Variants in COL22A1 observed in about 807,000 individuals in gnomAD.
COL22A1 encodes collagen alpha-1(XXII) chain.
Under a neutral mutation model 248.9 loss-of-function variants are expected in COL22A1, and 221 were observed. The ratio of observed to expected loss-of-function variants is 0.89; its 90% CI spans 0.80 to 0.99. The LOEUF is 0.99. Among genes scored for constraint, COL22A1 ranks in the 50% least tolerant of loss-of-function variants. The pLI is 0.00. For synonymous variants in COL22A1, 891 were observed against 793.4 expected, an observed-to-expected ratio of 1.12 and a Z score of -2.07; for missense variants, 2,240 against 2,179.0, an observed-to-expected ratio of 1.03 and a Z score of -0.56.
chr8:138,716,164 G>A, intron 29 of COL22A1, 63 bp downstream of exon 29: 1 of 1,296,092 alleles, frequency 7.7e-7, no homozygotes, highest in South Asian at 1.3e-5. Flanking sequence ...ACTCCACAGG[G>A]GGCTGCTCTC....
chr8:138,631,032 C>A (rs1431111332), intron 49 of COL22A1, among the ~76,000 whole-genome samples: 2 of 152,168 alleles, frequency 1.3e-5, no homozygotes, highest in Non-Finnish European at 2.9e-5. Flanking sequence ...ACCTCCCCAC[C>A]TTTACTCTCT....
intron 17 of COL22A1, 60 bp from the exon 18 acceptor site, chr8:138,760,347 T>C: frequency 4.0e-6 from 6 of 1,501,000 alleles, no homozygotes; most frequent in Non-Finnish European, 5.4e-6. Flanking sequence ...TGGTGGGGTG[T>C]TGGGGAGAAA....
At chr8:138,858,759 C>A (rs996673895) in intron 3 of COL22A1, among the ~76,000 whole-genome samples, 7 of 152,170 alleles carry the variant, frequency 4.6e-5, no homozygotes, top group Admixed American at 1.3e-4. Flanking sequence ...AAAAACAAAG[C>A]AAAACACCTC....
chr8:138,718,939 A>C (rs1345323845), intron 27 of COL22A1, among the ~76,000 whole-genome samples: 1 of 152,152 alleles, frequency 6.6e-6, no homozygotes, highest in Non-Finnish European at 1.5e-5. Flanking sequence ...AATCCCCTTC[A>C]TCTACAGAAC....
intron 1 of COL22A1, among the ~76,000 whole-genome samples, chr8:138,911,383 A>G (rs1183586792): frequency 2.0e-5 from 3 of 152,214 alleles, no homozygotes; most frequent in African/African-American, 4.8e-5. Context: ...TATTCCCAGG[A>G]AAGCCTGATT....
At chr8:138,766,989 G>C (rs74684432) in intron 16 of COL22A1, among the ~76,000 whole-genome samples, 8,820 of 152,294 alleles carry the variant, frequency 0.058, 388 homozygotes, top group Non-Finnish European at 0.085. Context: ...CTCCGGGGTA[G>C]AGGGGACATG....
At chr8:138,689,448 A>G (rs925408176) in intron 36 of COL22A1, among the ~76,000 whole-genome samples, 1 of 151,944 alleles carries the variant, frequency 6.6e-6, no homozygotes. Flanking sequence ...AGGGGAGAAC[A>G]CTCATGCCTG....
chr8:138,893,697 G>A (rs1825212864), intron 1 of COL22A1, among the ~76,000 whole-genome samples: 1 of 152,228 alleles, frequency 6.6e-6, no homozygotes, highest in African/African-American at 2.4e-5. Flanking sequence ...CTGGGTTGAT[G>A]TTGACTGCAT....
intron 62 of COL22A1, among the ~76,000 whole-genome samples, chr8:138,594,423 G>T (rs1038181777): frequency 2.6e-5 from 4 of 152,142 alleles, no homozygotes; most frequent in Non-Finnish European, 5.9e-5. Flanking sequence ...ATTTGTATGG[G>T]CACCTTCTGA....
At chr8:138,891,412 G>T (rs916242061) in intron 1 of COL22A1, among the ~76,000 whole-genome samples, 1 of 152,198 alleles carries the variant, frequency 6.6e-6, no homozygotes, top group African/African-American at 2.4e-5. Context: ...CTTGGCATCA[G>T]ATCTGAAGGG....
chr8:138,616,870 C>G, intron 54 of COL22A1, 44 bp downstream of exon 54: 1 of 1,611,992 alleles, frequency 6.2e-7, no homozygotes, highest in Non-Finnish European at 8.5e-7. Context: ...GAAGTGTAAG[C>G]TCTGCCCACC....
intron 35 of COL22A1, among the ~76,000 whole-genome samples, chr8:138,691,731 A>C: frequency 2.4e-5 from 1 of 42,052 alleles, no homozygotes; most frequent in South Asian, 6.4e-4. Flanking sequence ...TGTACATGTG[A>C]GTGTGCATGT....
At chr8:138,844,311 C>T (rs1293589669) in intron 3 of COL22A1, among the ~76,000 whole-genome samples, 153 bp from the exon 4 acceptor site, 1 of 152,242 alleles carries the variant, frequency 6.6e-6, no homozygotes, top group Non-Finnish European at 1.5e-5. Flanking sequence ...CATCTCCGCA[C>T]TCACTCATGT....
intron 41 of COL22A1, among the ~76,000 whole-genome samples, chr8:138,674,586 G>A (rs931303908): frequency 3.3e-5 from 5 of 152,152 alleles, no homozygotes; most frequent in African/African-American, 1.2e-4. Flanking sequence ...TTACTTAGGC[G>A]GGAACATATT....
At chr8:138,789,398 A>T (rs1563765787) in intron 12 of COL22A1, among the ~76,000 whole-genome samples, 1 of 152,228 alleles carries the variant, frequency 6.6e-6, no homozygotes, top group Non-Finnish European at 1.5e-5. Flanking sequence ...GATAACCATG[A>T]ATAATGCACA....
intron 41 of COL22A1, among the ~76,000 whole-genome samples, chr8:138,671,765 A>C (rs1483930815): frequency 6.6e-6 from 1 of 152,250 alleles, no homozygotes; most frequent in Non-Finnish European, 1.5e-5. Context: ...CTGTGGCTGC[A>C]GCCATTTCCA....
At chr8:138,688,297 G>A (rs1463641977) in intron 37 of COL22A1, among the ~76,000 whole-genome samples, 1 of 151,978 alleles carries the variant, frequency 6.6e-6, no homozygotes, top group Non-Finnish European at 1.5e-5. Flanking sequence ...AAGGCGGGTG[G>A]ATCACTTGAG....
At position 138,861,672 on chromosome 8, in the gene COL22A1, G is replaced by A. The variant is rs572583357; in HGVS notation, c.658+16078C>T. Among the ~76,000 whole-genome samples the A allele has an allele frequency of 5.3e-5, 8 of 152,228 alleles. No individual in the cohort carries two copies. The South Asian group carries it at 1.5e-3, about 28-fold the overall frequency. On this transcript the variant is annotated intron_variant, in intron 3 of 64. Coordinates refer to ENST00000303045, the MANE Select transcript of COL22A1 (RefSeq NM_152888.3). ...ACCCTGCCACAGGCACCTCTCACTT[G>A]GCCTAAGACTCTTCCCAGCTTCTCC... is the stretch of plus-strand genomic sequence containing the variant.
chr8:138,868,920 G>T (rs2131998206), intron 3 of COL22A1, among the ~76,000 whole-genome samples: 1 of 152,128 alleles, frequency 6.6e-6, no homozygotes, highest in Non-Finnish European at 1.5e-5. Flanking sequence ...TAGTAGAGAT[G>T]GGGGTTTCAC....
Sources: gnomAD v4.1 joint callset for allele counts (sites outside exome capture counted in the v4.1 genomes callset) on GRCh38, gnomAD v4.1.1 for gene constraint, MANE v1.5 for transcripts, NCBI Gene and HGNC (gene_info 2026-07-23, HGNC 2026-07-21) for gene names.